RNLS: variants seen among roughly 807,000 people sequenced by gnomAD.
RNLS encodes the protein renalase, FAD dependent amine oxidase.
RNLS carries 39 observed loss-of-function variants against 39.8 expected under a neutral mutation model. The ratio of observed to expected loss-of-function variants is 0.98; its 90% CI spans 0.76 to 1.28. The LOEUF (loss-of-function observed/expected upper bound fraction) is 1.28. Among genes scored for constraint, RNLS ranks in the 50% most tolerant of loss-of-function variants. The probability of loss-of-function intolerance (pLI) is 0.00; values close to 1 mark genes in which losing one functional copy is unlikely to be tolerated. For missense variants in RNLS, 410 were observed against 413.3 expected (o/e 0.99, Z 0.07); for synonymous variants, 147 against 150.7 (o/e 0.98, Z 0.18).
intron 4 of RNLS, among the ~76,000 whole-genome samples, chr10:88,394,125 G>A (rs1216454679): frequency 6.6e-6 from 1 of 152,168 alleles, no homozygotes; most frequent in African/African-American, 2.4e-5. Context: ...TAAGGACATA[G>A]GCATGGGCAA....
At chr10:88,317,597 T>G (rs139315562) in intron 5 of RNLS, among the ~76,000 whole-genome samples, 1 of 152,336 alleles carries the variant, frequency 6.6e-6, no homozygotes, top group East Asian at 1.9e-4. Context: ...ATTTACTGTT[T>G]TAACCTATTT....
At chr10:88,173,636 G>A in the RNLS span, among the ~76,000 whole-genome samples, 1 of 152,036 alleles carries the variant, frequency 6.6e-6, no homozygotes, top group Non-Finnish European at 1.5e-5. Context: ...TTTTCTGTTT[G>A]CTTGTGCCCT....
intron 4 of RNLS, among the ~76,000 whole-genome samples, chr10:88,477,341 A>G (rs918264927): frequency 2.0e-5 from 3 of 152,158 alleles, no homozygotes; most frequent in Non-Finnish European, 4.4e-5. Flanking sequence ...ATGATGGTGA[A>G]GTTAGGGATG....
chr10:88,224,891 T>C, the RNLS span, among the ~76,000 whole-genome samples: 1 of 152,230 alleles, frequency 6.6e-6, no homozygotes, highest in African/African-American at 2.4e-5. Context: ...CAACCACTCC[T>C]ATGAGATTGG....
chr10:88,533,735 T>A (rs983441024), intron 4 of RNLS, among the ~76,000 whole-genome samples: 1 of 151,870 alleles, frequency 6.6e-6, no homozygotes, highest in East Asian at 1.9e-4. Context: ...AGACAGGGAG[T>A]GACACTGCAC....
chr10:88,219,091 T>C, the RNLS span, among the ~76,000 whole-genome samples: 1 of 152,370 alleles, frequency 6.6e-6, no homozygotes, highest in East Asian at 1.9e-4. Context: ...TATACACTTA[T>C]GCTGATGAGA....
chr10:88,505,353 G>A lies in RNLS; in HGVS notation c.526+67550C>T, dbSNP rs191100794. ...CTGGGAGGTAAAAAGAGGGAAAGGAGGAAAGGTAGAGGAAGAGAGAGAAAG... is the reference window on the plus strand; with the variant it reads ...CTGGGAGGTAAAAAGAGGGAAAGGAAGAAAGGTAGAGGAAGAGAGAGAAAG... On this transcript the variant is annotated intron_variant, in intron 4 of 6. Coordinates refer to ENST00000331772, the MANE Select transcript of RNLS (RefSeq NM_001031709.3). Among the ~76,000 whole-genome samples the A allele has an allele frequency of 2.3e-3, 350 of 151,598 alleles. 1 individual carries two copies. Among genetic ancestry groups the A allele is most frequent in the African/African-American group, 8.1e-3 (335 of 41,376 alleles).
At chr10:88,430,936 T>C (rs1355674366) in intron 4 of RNLS, among the ~76,000 whole-genome samples, 1 of 151,730 alleles carries the variant, frequency 6.6e-6, no homozygotes, top group Non-Finnish European at 1.5e-5. Context: ...GACCTGTAGT[T>C]CTGTTTTCTT....
intron 4 of RNLS, among the ~76,000 whole-genome samples, chr10:88,430,991 A>G (rs1855104016): frequency 6.6e-6 from 1 of 151,646 alleles, no homozygotes; most frequent in Non-Finnish European, 1.5e-5. Flanking sequence ...GGCTTCATGA[A>G]TTAGGTTGGA....
chr10:88,568,986 T>A (rs1206497815), intron 4 of RNLS, among the ~76,000 whole-genome samples: 1 of 152,208 alleles, frequency 6.6e-6, no homozygotes, highest in Non-Finnish European at 1.5e-5. Flanking sequence ...CAGTAATCTG[T>A]GTTTTAACAA....
chr10:88,519,659 T>C (rs1392066870), intron 4 of RNLS, among the ~76,000 whole-genome samples: 2 of 148,024 alleles, frequency 1.4e-5, no homozygotes, highest in Admixed American at 6.8e-5. Flanking sequence ...GGTTATCTTA[T>C]GTGTGCTCTT....
At chr10:88,189,520 AG>A in the RNLS span, among the ~76,000 whole-genome samples, 1 of 152,222 alleles carries the variant, frequency 6.6e-6, no homozygotes, top group Non-Finnish European at 1.5e-5. Flanking sequence ...ATAATGAATC[AG>A]GGAGGGAGAG....
At chr10:88,177,370 A>T in the RNLS span, among the ~76,000 whole-genome samples, 3 of 152,086 alleles carry the variant, frequency 2.0e-5, no homozygotes, top group Non-Finnish European at 2.9e-5. Context: ...CTACTGTTGA[A>T]ATGCTTAATT....
chr10:88,280,051 T>C (rs968343768), downstream of RNLS, among the ~76,000 whole-genome samples: 2 of 152,134 alleles, frequency 1.3e-5, no homozygotes, highest in Admixed American at 6.6e-5. Context: ...ACAGAGGAAA[T>C]TGGCCTTCAC....
chr10:88,205,577 A>C, the RNLS span, among the ~76,000 whole-genome samples: 1 of 152,188 alleles, frequency 6.6e-6, no homozygotes, highest in Non-Finnish European at 1.5e-5. Context: ...AAAGAAGAGT[A>C]CTAAATACTG....
the RNLS span, among the ~76,000 whole-genome samples, chr10:88,176,987 T>C: frequency 6.6e-6 from 1 of 152,342 alleles, no homozygotes; most frequent in South Asian, 2.1e-4. Flanking sequence ...GACTTGATGC[T>C]TTTCTGTTTT....
chr10:88,552,217 G>C (rs1299647805), intron 4 of RNLS, among the ~76,000 whole-genome samples: 1 of 152,212 alleles, frequency 6.6e-6, no homozygotes, highest in Non-Finnish European at 1.5e-5. Flanking sequence ...ACAAGCAGCA[G>C]AGCCAGAACT....
chr10:88,295,491 C>T (rs969296041), intron 6 of RNLS, among the ~76,000 whole-genome samples: 4 of 152,086 alleles, frequency 2.6e-5, no homozygotes, highest in Admixed American at 2.6e-4. Flanking sequence ...TTATATTTAA[C>T]GGTGATTTCA....
intron 5 of RNLS, among the ~76,000 whole-genome samples, chr10:88,341,459 A>G (rs1847956422): frequency 6.6e-6 from 1 of 152,146 alleles, no homozygotes; most frequent in Non-Finnish European, 1.5e-5. Flanking sequence ...ACAATGAATT[A>G]CTTATGTAGA....
Sources: allele counts gnomAD v4.1 joint callset (sites outside exome capture counted in the v4.1 genomes callset), GRCh38; gene constraint gnomAD v4.1.1; transcripts MANE v1.5; gene names NCBI Gene and HGNC (gene_info 2026-07-23, HGNC 2026-07-21).